Variants in FLRT3 observed in about 807,000 individuals in gnomAD.
The protein encoded by FLRT3 is fibronectin leucine rich transmembrane protein 3, also known as leucine-rich repeat transmembrane protein FLRT3.
In FLRT3, 17 loss-of-function variants were observed where a neutral mutation model predicts 42.6. The ratio of observed to expected loss-of-function variants is 0.40; its 90% confidence interval spans 0.27 to 0.60. The LOEUF (loss-of-function observed/expected upper bound fraction) is 0.60. Among genes scored for constraint, FLRT3 ranks in the 20% least tolerant of loss-of-function variants. The probability of loss-of-function intolerance (pLI) is 0.44; values close to 1 mark genes in which losing one functional copy is unlikely to be tolerated. For missense variants in FLRT3, 635 were observed against 789.2 expected (o/e 0.80, Z 2.34); for synonymous variants, 279 against 286.4 (o/e 0.97, Z 0.26).
At chr20:14,328,395 C>T (rs965976121) in intron 2 of FLRT3, among the ~76,000 whole-genome samples, 3 of 152,024 alleles carry the variant, frequency 2.0e-5, no homozygotes, top group Admixed American at 1.3e-4. Context: ...TACCTCATAA[C>T]GTGTTGTCAC....
chr20:14,337,353 C>A, intron 1 of FLRT3, 51 bp downstream of exon 1: 1,262 of 223,674 alleles, frequency 5.6e-3, no homozygotes, highest in Middle Eastern at 0.012. Context: ...GAGAGTAAAA[C>A]CAAGCAAACT....
chr20:14,337,371 A>C, intron 1 of FLRT3, 33 bp downstream of exon 1: 2 of 311,846 alleles, frequency 6.4e-6, no homozygotes, highest in East Asian at 4.7e-5. Flanking sequence ...ACTTTCTGGG[A>C]CAATCATAAG....
chr20:14,335,182 G>A (rs1484463850), intron 1 of FLRT3, among the ~76,000 whole-genome samples: 1 of 152,178 alleles, frequency 6.6e-6, no homozygotes. Context: ...TCTCTCTGCA[G>A]TGCACTTGCA....
chr20:14,325,423 A>T lies in FLRT3; in HGVS notation c.*134T>A. ...AATAAAAAGTTCTTAAATATAAATT[A>T]TATGGCAAATGTACAGTACATTGCT... On this transcript the variant is annotated 3_prime_UTR_variant, in exon 3 of 3. Coordinates refer to ENST00000341420, the MANE Select transcript of FLRT3 (RefSeq NM_198391.3). 1.2e-6 allele frequency: 1 copy of T among 860,168 alleles called. No individual in the cohort carries two copies. Among genetic ancestry groups the T allele is most frequent in the Non-Finnish European group, 1.7e-6 (1 of 591,364 alleles). 53.3% of individuals were successfully genotyped at this position (860,168 alleles called of 1,614,324 possible).
At position 14,325,946 on chromosome 20, in the gene FLRT3, G is replaced by A. The variant is rs1568557441; in HGVS notation, c.1561C>T (p.Pro521Ser). 2 of 1,613,922 alleles carry A rather than the reference G, an allele frequency of 1.2e-6. No homozygotes were observed. The highest frequency in any genetic ancestry group is 2.2e-5 in the East Asian group (1 of 44,874). The change falls in exon 3 of 3, where the codon CCT (proline) becomes TCT (serine). Residue 521 changes from proline to serine, a missense_variant. Coordinates refer to ENST00000341420, the MANE Select transcript of FLRT3 (RefSeq NM_198391.3). Reference sequence around the variant, plus strand: ...AAAGGTAAATTGGGGTTTTTGTAAGGTTCTTTCTCTTGCTCTCGATTGAGG... The same window carrying A: ...AAAGGTAAATTGGGGTTTTTGTAAGATTCTTTCTCTTGCTCTCGATTGAGG... ...TTLNREQEKE[P>S]YKNPNLPLAA...
intron 1 of FLRT3, among the ~76,000 whole-genome samples, chr20:14,334,330 A>G (rs1226133571): frequency 6.6e-6 from 1 of 152,204 alleles, no homozygotes; most frequent in African/African-American, 2.4e-5. Flanking sequence ...TATTTTCTTA[A>G]GAGGAAGAAT....
Position 14,325,445 on chromosome 20 carries a change from T to TGTTCAACAGGTTTCCATCTA in FLRT3, c.*111_*112insTAGATGGAAACCTGTTGAAC. 8.7e-7 allele frequency: 1 copy of TGTTCAACAGGTTTCCATCTA among 1,151,514 alleles called. No individual in the cohort carries two copies. The highest frequency in any genetic ancestry group is 1.2e-6 in the Non-Finnish European group (1 of 811,200). 71.3% of individuals were successfully genotyped at this position (1,151,514 alleles called of 1,614,324 possible). A position where few individuals can be genotyped will look rare whatever the true frequency, so the allele number is the denominator to read the frequency against. On this transcript the variant is annotated 3_prime_UTR_variant, in exon 3 of 3. Transcript: ENST00000341420. ...ATTATATGGCAAATGTACAGTACAT[T>TGTTCAACAGGTTTCCATCTA]GCTTTTTTTCAGTCTCTTTTTCCAG...
Position 14,327,637 on chromosome 20 carries a change from A to C in FLRT3, c.-52-79T>G, listed in dbSNP as rs2082759201. Reference sequence around the variant, plus strand: ...TATAATGTTTAAAAACAAATGTGGAAACTAAAATATCCATAATCACTTTTA... The same window carrying C: ...TATAATGTTTAAAAACAAATGTGGACACTAAAATATCCATAATCACTTTTA... On this transcript the variant is annotated intron_variant, in intron 2 of 2. Coordinates refer to ENST00000341420, the MANE Select transcript of FLRT3 (RefSeq NM_198391.3). The C allele has an allele frequency of 8.8e-6, 9 of 1,023,914 alleles. No individual in the cohort carries two copies. The East Asian group carries it at 2.4e-4, about 27-fold the overall frequency. 63.4% of individuals were successfully genotyped at this position (1,023,914 alleles called of 1,614,324 possible).
chr20:14,328,415 A>AT (rs2082773675), intron 2 of FLRT3, among the ~76,000 whole-genome samples: 1 of 152,098 alleles, frequency 6.6e-6, no homozygotes, highest in South Asian at 2.1e-4. Flanking sequence ...CAGTGCATTT[A>AT]TATTTCTTTG....
chr20:14,329,806 C>T lies in FLRT3; in HGVS notation c.-246-479G>A, dbSNP rs1386133826. On this transcript the variant is annotated intron_variant, in intron 1 of 2. Coordinates refer to ENST00000341420, the MANE Select transcript of FLRT3 (RefSeq NM_198391.3). ...AGAGTTGAAAAGACTATTTTAAAAGCTTTTCTTTTGATTTGCTTAGTGCCC... is the reference window on the plus strand; with the variant it reads ...AGAGTTGAAAAGACTATTTTAAAAGTTTTTCTTTTGATTTGCTTAGTGCCC... Among the ~76,000 whole-genome samples, 8 of 152,032 alleles carry T rather than the reference C, an allele frequency of 5.3e-5. No individual in the cohort carries two copies. The East Asian group carries it at 1.5e-3, about 29-fold the overall frequency.
In FLRT3 at chr20:14,326,700, A is replaced by G; in HGVS notation, c.807T>C (p.Tyr269=). Residue 269 remains tyrosine (Y), a synonymous_variant, in exon 3 of 3, where the codon TAT becomes TAC. Coordinates refer to ENST00000341420, the MANE Select transcript of FLRT3 (RefSeq NM_198391.3). The surrounding 1 kb of genome is among the most constrained non-coding windows in gnomAD (Gnocchi z 5.5). ...INRVPPNAFS[Y]LRQLYRLDMS... ...TATCCAGTCGATAGAGCTGCCTTAG[A>G]TAAGAAAAAGCATTTGGGGGCACCC... The G allele has an allele frequency of 6.2e-7, 1 of 1,613,744 alleles. No individual in the cohort carries two copies. Among genetic ancestry groups the G allele is most frequent in the Non-Finnish European group, 8.5e-7 (1 of 1,179,822 alleles).
At chr20:14,328,834 A>G (rs540470193) in intron 2 of FLRT3, 52 of 152,138 alleles carry the variant, frequency 3.4e-4, no homozygotes, top group African/African-American at 1.2e-3. Context: ...TCCTGTTACT[A>G]TGTAGGACAC....
intron 1 of FLRT3, among the ~76,000 whole-genome samples, chr20:14,336,755 A>G (rs992648277): frequency 1.4e-4 from 21 of 152,326 alleles, no homozygotes; most frequent in African/African-American, 4.8e-4. Flanking sequence ...GTTCTATTGA[A>G]GAGGGAATAT....
At chr20:14,331,651 G>A (rs1425812324) in intron 1 of FLRT3, among the ~76,000 whole-genome samples, 11 of 152,056 alleles carry the variant, frequency 7.2e-5, no homozygotes, top group Admixed American at 5.9e-4. Context: ...GTTTAACTAC[G>A]TTTTATATCT....
intron 1 of FLRT3, among the ~76,000 whole-genome samples, chr20:14,337,161 A>C (rs1343506900): frequency 1.3e-5 from 2 of 152,212 alleles, no homozygotes; most frequent in African/African-American, 4.8e-5. Context: ...GCAATTACTC[A>C]AGACAGAAAA....
chr20:14,332,668 A>T (rs1039255593), intron 1 of FLRT3, among the ~76,000 whole-genome samples: 5 of 152,160 alleles, frequency 3.3e-5, no homozygotes, highest in African/African-American at 1.2e-4. Flanking sequence ...ACTTTTAAAA[A>T]TATTCAATCT....
At position 14,333,984 on chromosome 20, in the gene FLRT3, C is replaced by G. The variant is rs2082889789; in HGVS notation, c.-247+3420G>C. On this transcript the variant is annotated intron_variant, in intron 1 of 2. Transcript: ENST00000341420. ...AATAAAGAACAAAAGCTGTCATTGT[C>G]TCATCGAGTGAGAGCAATTTCTCCC... 2.6e-5 allele frequency among the ~76,000 whole-genome samples: 4 copies of G among 152,194 alleles called. 1 individual carries two copies. The highest frequency in any genetic ancestry group is 9.6e-5 in the African/African-American group (4 of 41,462).
rs1182485671 is a variant in FLRT3 at position 14,326,977 on chromosome 20, A to G, written c.530T>C (p.Ile177Thr). 38 of 1,613,638 alleles carry G rather than the reference A, an allele frequency of 2.4e-5. No homozygotes were observed. Among genetic ancestry groups the G allele is most frequent in the Non-Finnish European group, 3.1e-5 (37 of 1,179,788 alleles). ...STIPWGLPRT[I>T]EELRLDDNRI... Reference sequence around the variant, plus strand: ...ATTATCATCCAAGCGTAGTTCTTCTATAGTCCTGGGCAAACCCCAGGGAAT... The same window carrying G: ...ATTATCATCCAAGCGTAGTTCTTCTGTAGTCCTGGGCAAACCCCAGGGAAT... The change falls in exon 3 of 3, where the codon ATA becomes ACA. Residue 177 changes from isoleucine to threonine, a missense_variant. Coordinates refer to ENST00000341420, the MANE Select transcript of FLRT3 (RefSeq NM_198391.3). This position sits in a 1 kb window ranked among gnomAD's most constrained non-coding sequence, Gnocchi z 5.5.
In FLRT3 at chr20:14,326,353, A is replaced by C; in HGVS notation, c.1154T>G (p.Val385Gly). Residue 385 changes from valine to glycine, a missense_variant, in exon 3 of 3, where the codon GTG (valine) becomes GGG (glycine). By Grantham distance (109) the Val-to-Gly change is moderately radical. Coordinates refer to ENST00000341420, the MANE Select transcript of FLRT3 (RefSeq NM_198391.3). The surrounding 1 kb of genome is among the most constrained non-coding windows in gnomAD (Gnocchi z 5.5). ...GTTCTTAATATCTGGCTGTTTGGTC[A>C]CTGGAGCTGGCCACTGTCCTTGGGC... ...YPAQGQWPAP[V>G]TKQPDIKNPK... The C allele has an allele frequency of 6.2e-7, 1 of 1,613,910 alleles. No homozygotes were observed. The highest frequency in any genetic ancestry group is 8.5e-7 in the Non-Finnish European group (1 of 1,179,874).
Sources: gnomAD v4.1 joint callset for allele counts (sites outside exome capture counted in the v4.1 genomes callset) on GRCh38, gnomAD v4.1.1 for gene constraint, Gnocchi (gnomAD v3.1) non-coding constraint, MANE v1.5 for transcripts, NCBI Gene and HGNC (gene_info 2026-07-23, HGNC 2026-07-21) for gene names.